The following FAM107A variants were observed in gnomAD, a reference collection of about 807,000 sequenced individuals.
FAM107A encodes the protein actin-associated protein FAM107A.
In FAM107A, 19 loss-of-function variants were observed where a neutral mutation model predicts 13.7. That is an observed-to-expected ratio of 1.38 (90% CI 0.97 to 2.03). The LOEUF is 2.03. FAM107A is among the 30% of genes most tolerant of loss of function. The pLI is 0.00. For missense variants in FAM107A, 203 were observed against 184.4 expected (o/e 1.10, Z -0.58); for synonymous variants, 82 against 74.5 (o/e 1.10, Z -0.52).
chr3:58,602,530 T>C (rs188942957), intron 1 of FAM107A, among the ~76,000 whole-genome samples: 1 of 152,306 alleles, frequency 6.6e-6, no homozygotes, highest in African/African-American at 2.4e-5. Flanking sequence ...TTGTTCAAGA[T>C]AATAAAAAGA....
intron 1 of FAM107A, among the ~76,000 whole-genome samples, chr3:58,622,191 C>T (rs967422644): frequency 2.0e-5 from 3 of 152,160 alleles, no homozygotes; most frequent in Non-Finnish European, 4.4e-5. Flanking sequence ...GTAATCCCAG[C>T]ACTTTGGGAG....
At chr3:58,607,937 G>A (rs143731864) in intron 1 of FAM107A, 1 of 152,336 alleles carries the variant, frequency 6.6e-6, no homozygotes, top group African/African-American at 2.4e-5. Flanking sequence ...AGTCTGAGAA[G>A]AGGACCAGGT....
At chr3:58,624,769 C>T (rs2886050) in intron 1 of FAM107A, among the ~76,000 whole-genome samples, 77,981 of 151,976 alleles carry the variant, frequency 0.51, 20,173 homozygotes, top group African/African-American at 0.58. Context: ...AGCAACAACG[C>T]TGTGTTTTGA....
chr3:58,581,648 G>A (rs1231921391), upstream of FAM107A, among the ~76,000 whole-genome samples: 1 of 152,194 alleles, frequency 6.6e-6, no homozygotes, highest in East Asian at 1.9e-4. Flanking sequence ...CGGGGGTTGG[G>A]GGAGAAGAAG....
intron 1 of FAM107A, among the ~76,000 whole-genome samples, chr3:58,621,908 C>A (rs989788084): frequency 1.3e-5 from 2 of 152,202 alleles, no homozygotes; most frequent in African/African-American, 4.8e-5. Context: ...GACCTCTGAG[C>A]CTCAGTGTCT....
chr3:58,627,097 C>T (rs1409683805), intron 1 of FAM107A: 16 of 1,150,262 alleles, frequency 1.4e-5, no homozygotes, highest in East Asian at 7.7e-5. Context: ...GCTCCCGGGG[C>T]GAGGGCCCCC....
exon 1 of FAM107A, chr3:58,586,892 G>T: frequency 6.5e-7 from 1 of 1,533,224 alleles, no homozygotes; most frequent in Non-Finnish European, 8.7e-7. Context: ...AGAGCCCGGT[G>T]GCATCGGAGG....
intron 1 of FAM107A, among the ~76,000 whole-genome samples, chr3:58,626,378 C>T (rs2066017610): frequency 6.6e-6 from 1 of 152,166 alleles, no homozygotes; most frequent in Non-Finnish European, 1.5e-5. Context: ...AGAGCTCAGG[C>T]TTAGAAGGTG....
chr3:58,569,227 T>G lies in FAM107A; in HGVS notation c.170+464A>C, dbSNP rs2063656330. Among the ~76,000 whole-genome samples, 1 of 152,170 alleles carries G rather than the reference T, an allele frequency of 6.6e-6. No homozygotes were observed. The highest frequency in any genetic ancestry group is 2.4e-5 in the African/African-American group (1 of 41,432). ...CTCCAGTCCCCCTTCAGGTCATAGC[T>G]GAGGCAGCACCGCTCCTGTGAAGTC... On this transcript the variant is annotated intron_variant, in intron 2 of 3. Coordinates refer to ENST00000360997, the MANE Select transcript of FAM107A (RefSeq NM_001076778.3). This position sits in a 1 kb window ranked among gnomAD's most constrained non-coding sequence, Gnocchi z 5.7.
chr3:58,621,373 C>T (rs1191985603), intron 1 of FAM107A, among the ~76,000 whole-genome samples: 3 of 152,130 alleles, frequency 2.0e-5, no homozygotes, highest in East Asian at 1.9e-4. Context: ...TCAGAAGGGC[C>T]CTGTGCTTGG....
intron 2 of FAM107A, 149 bp from the exon 3 acceptor site, chr3:58,567,513 T>C: frequency 1.1e-6 from 1 of 876,144 alleles, no homozygotes; most frequent in Non-Finnish European, 1.7e-6. Flanking sequence ...ACTGTCCCAT[T>C]TTACAGGGAC....
At chr3:58,621,373 C>G (rs1191985603) in intron 1 of FAM107A, among the ~76,000 whole-genome samples, 1 of 152,012 alleles carries the variant, frequency 6.6e-6, no homozygotes, top group Non-Finnish European at 1.5e-5. Context: ...TCAGAAGGGC[C>G]CTGTGCTTGG....
At chr3:58,588,850 G>C (rs920139096), upstream of FAM107A, among the ~76,000 whole-genome samples, 2 of 152,018 alleles carry the variant, frequency 1.3e-5, no homozygotes, top group African/African-American at 4.8e-5. Flanking sequence ...GTAGAGAAGG[G>C]GTTTTGCCAT....
chr3:58,618,828 G>A (rs1202413486), intron 1 of FAM107A, among the ~76,000 whole-genome samples: 4 of 149,516 alleles, frequency 2.7e-5, no homozygotes, highest in Non-Finnish European at 5.9e-5. Context: ...ACAGGTTTGG[G>A]GTTTCTTCAA....
chr3:58,587,041 A>G (rs917714730), exon 1 of FAM107A: 149 of 1,375,162 alleles, frequency 1.1e-4, no homozygotes, highest in Non-Finnish European at 1.3e-4. Context: ...CGCGGCCCCA[A>G]GTCCCAAACC....
chr3:58,586,283 G>A (rs1187385793), intron 1 of FAM107A, among the ~76,000 whole-genome samples: 3 of 152,236 alleles, frequency 2.0e-5, no homozygotes, highest in Admixed American at 1.3e-4. Context: ...CCAGGAGGTG[G>A]AACCTCACAG....
At chr3:58,585,038 C>T (rs530217140) in intron 1 of FAM107A, among the ~76,000 whole-genome samples, 2 of 152,198 alleles carry the variant, frequency 1.3e-5, no homozygotes, top group Non-Finnish European at 2.9e-5. Context: ...TAGAGTGGTG[C>T]AGGGAAGGAG....
upstream of FAM107A, among the ~76,000 whole-genome samples, chr3:58,588,003 G>A (rs1437971776): frequency 1.3e-5 from 2 of 152,094 alleles, no homozygotes; most frequent in African/African-American, 4.8e-5. Context: ...GAACGCAGGT[G>A]GTCCGACTAC....
In FAM107A at chr3:58,566,351, G is replaced by C. The variant is rs1577016372; in HGVS notation, c.*237C>G. The C allele has an allele frequency of 4.0e-6, 2 of 503,098 alleles. No homozygotes were observed. The highest frequency in any genetic ancestry group is 3.5e-5 in the Admixed American group (1 of 28,606). 31.2% of individuals were successfully genotyped at this position (503,098 alleles called of 1,614,324 possible). ...GGGCTCTGAACCCCTTGCAGGGAGG[G>C]GTGCAGGTTATCCCTCTTGGAGCAG... On this transcript the variant is annotated 3_prime_UTR_variant, in exon 4 of 4. Coordinates refer to ENST00000360997, the MANE Select transcript of FAM107A (RefSeq NM_001076778.3).
Sources: allele counts gnomAD v4.1 joint callset (sites outside exome capture counted in the v4.1 genomes callset), GRCh38; gene constraint gnomAD v4.1.1; non-coding constraint Gnocchi (gnomAD v3.1); transcripts MANE v1.5; gene names NCBI Gene and HGNC (gene_info 2026-07-23, HGNC 2026-07-21).